Variants in SPECC1 observed in about 807,000 individuals in gnomAD.
The protein encoded by SPECC1 is sperm antigen with calponin homology and coiled-coil domains 1.
A neutral mutation model predicts 104.1 loss-of-function variants in SPECC1; 62 were observed. The ratio of observed to expected loss-of-function variants is 0.60; its 90% CI spans 0.49 to 0.74. SPECC1 has a LOEUF of 0.74. Ranked by LOEUF, SPECC1 falls within the 30% of genes least tolerant of loss-of-function variation. The pLI, the probability that SPECC1 is intolerant of heterozygous loss-of-function variation, is 0.00. For missense variants in SPECC1, 1,306 were observed against 1,310.5 expected (o/e 1.00, Z 0.05); for synonymous variants, 513 against 501.6 (o/e 1.02, Z -0.30).
chr17:20,302,878 TAAAAAAAAAAAAA>T (rs35060925), intron 13 of SPECC1, among the ~76,000 whole-genome samples: 3 of 61,872 alleles, frequency 4.8e-5, no homozygotes, highest in Non-Finnish European at 8.9e-5. Flanking sequence ...TGAGCCCATC[TAAAAAAAAAAAAA>T]AAAAAAAAAA....
chr17:20,148,980 C>T (rs1376996926), intron 3 of SPECC1, among the ~76,000 whole-genome samples: 1 of 152,156 alleles, frequency 6.6e-6, no homozygotes, highest in African/African-American at 2.4e-5. Context: ...CCTCAGCCTC[C>T]CAAAGTGCTG....
At chr17:20,053,519 A>G (rs904809193) in intron 1 of SPECC1, among the ~76,000 whole-genome samples, 7 of 152,188 alleles carry the variant, frequency 4.6e-5, no homozygotes, top group African/African-American at 1.4e-4. Context: ...GAGTAGGTCC[A>G]TAGTGTTAGG....
intron 1 of SPECC1, among the ~76,000 whole-genome samples, chr17:20,079,252 A>G (rs1453309759): frequency 6.6e-6 from 1 of 151,978 alleles, no homozygotes; most frequent in Non-Finnish European, 1.5e-5. Flanking sequence ...TGTGCTCCTC[A>G]CTTTCTTTTC....
chr17:20,194,502 A>ATTATTTTTTTTTT lies in SPECC1; in HGVS notation c.284-9829_284-9828insATTTTTTTTTTTT. Among the ~76,000 whole-genome samples, 762 of 86,506 alleles carry ATTATTTTTTTTTT rather than the reference A, an allele frequency of 8.8e-3. 141 individuals are homozygous for ATTATTTTTTTTTT. Among genetic ancestry groups the ATTATTTTTTTTTT allele is most frequent in the Non-Finnish European group, 0.012 (600 of 48,236 alleles). The allele number at this position is 86,506 out of a possible 152,430, so 56.8% of individuals were successfully genotyped here. A position where few individuals can be genotyped will look rare whatever the true frequency, so the allele number is the denominator to read the frequency against. On this transcript the variant is annotated intron_variant, in intron 3 of 14. Transcript: ENST00000395527. Reference sequence around the variant, plus strand: ...TGTGTTCTGTTAGAAAAGAGAACGAATTTTTTTTTTTTTTTTTTTTTTTGA... The same window carrying ATTATTTTTTTTTT: ...TGTGTTCTGTTAGAAAAGAGAACGAATTATTTTTTTTTTTTTTTTTTTTTTTTTTTTTTTTTGA...
chr17:20,273,486 CT>C (rs2040476601), intron 12 of SPECC1, among the ~76,000 whole-genome samples: 1 of 151,488 alleles, frequency 6.6e-6, no homozygotes, highest in Non-Finnish European at 1.5e-5. Flanking sequence ...AAGAAGAGGC[CT>C]GGGGGTGGAG....
At chr17:20,150,294 T>C (rs1267943765) in intron 3 of SPECC1, among the ~76,000 whole-genome samples, 1 of 151,410 alleles carries the variant, frequency 6.6e-6, no homozygotes, top group Non-Finnish European at 1.5e-5. Flanking sequence ...TTTTTCTTTT[T>C]TTTTTTGGGA....
intron 2 of SPECC1, among the ~76,000 whole-genome samples, chr17:20,107,649 G>A (rs1316241053): frequency 6.6e-6 from 1 of 151,748 alleles, no homozygotes; most frequent in Non-Finnish European, 1.5e-5. Flanking sequence ...CAGAGATGGG[G>A]TTTCACCATG....
chr17:20,271,844 G>A (rs960171863), intron 12 of SPECC1, among the ~76,000 whole-genome samples: 6 of 149,400 alleles, frequency 4.0e-5, no homozygotes, highest in African/African-American at 1.2e-4. Context: ...TTATGACCTC[G>A]CATCTTTGTT....
chr17:20,022,453 T>C (rs530708014), intron 1 of SPECC1, among the ~76,000 whole-genome samples: 164 of 152,348 alleles, frequency 1.1e-3, no homozygotes, highest in Middle Eastern at 6.8e-3. Context: ...TAATATGTTA[T>C]ACGTCAGCTT....
At chr17:20,303,839 G>GCTA (rs2041671306) in intron 13 of SPECC1, among the ~76,000 whole-genome samples, 1 of 152,016 alleles carries the variant, frequency 6.6e-6, no homozygotes, top group African/African-American at 2.4e-5. Flanking sequence ...TGTAGTCCCA[G>GCTA]CTACTAGGGA....
intron 3 of SPECC1, chr17:20,155,933 A>G: frequency 8.2e-7 from 1 of 1,221,062 alleles, no homozygotes; most frequent in Non-Finnish European, 1.0e-6. Context: ...GGCGGTGTGC[A>G]GTTGAGGTGG....
chr17:20,237,817 A>G (rs576204479), intron 7 of SPECC1: 4 of 191,598 alleles, frequency 2.1e-5, no homozygotes, highest in Non-Finnish European at 4.3e-5. Flanking sequence ...ATCTTGGCTC[A>G]TTGCAAGCTC....
chr17:20,119,805 G>T (rs1029501110), intron 3 of SPECC1, among the ~76,000 whole-genome samples: 1 of 152,202 alleles, frequency 6.6e-6, no homozygotes, highest in Non-Finnish European at 1.5e-5. Context: ...CGAGGAAAAT[G>T]AAAGTGCTGG....
chr17:20,253,672 G>A, intron 10 of SPECC1, 86 bp downstream of exon 10: 1 of 1,287,554 alleles, frequency 7.8e-7, no homozygotes, highest in Non-Finnish European at 1.1e-6. Flanking sequence ...ACTGAGCTTA[G>A]AAAAATAATC....
intron 1 of SPECC1, among the ~76,000 whole-genome samples, chr17:20,018,708 C>T (rs1306365299): frequency 2.0e-5 from 3 of 152,228 alleles, no homozygotes; most frequent in Admixed American, 6.5e-5. Context: ...GGGAAAGGTG[C>T]ATGGGGCCAA....
chr17:20,228,179 C>G (rs117812830), intron 5 of SPECC1, among the ~76,000 whole-genome samples: 2 of 152,026 alleles, frequency 1.3e-5, no homozygotes, highest in Non-Finnish European at 2.9e-5. Context: ...TAGGTGATTG[C>G]GAAAAATAGA....
Position 20,297,055 on chromosome 17 carries a change from A to G in SPECC1, c.3035A>G (p.Gln1012Arg). ...TACCTGCCTGCCCACATCCCCTACC[A>G]GGAGCTGAATAGTCAGGAGAAAGTA... ...HTYLPAHIPY[Q>R]ELNSQEKKRN... is the part of the protein sequence containing the mutation. Residue 1012 changes from glutamine (Q) to arginine (R), a missense_variant, in exon 13 of 15, where the codon CAG becomes CGG. Physicochemically the swap from Gln to Arg is conservative, Grantham distance 43. Coordinates refer to ENST00000395527, the MANE Select transcript of SPECC1 (RefSeq NM_001243439.2). 1 of 1,614,098 alleles carries G rather than the reference A, an allele frequency of 6.2e-7. No homozygotes were observed. The highest frequency in any genetic ancestry group is 1.1e-5 in the South Asian group (1 of 91,052).
rs1567923485 is a variant in SPECC1 at position 20,194,501 on chromosome 17, A to ATTTTTTTTTTT, written c.284-9832_284-9831insTTTTTTTTTTT. Among the ~76,000 whole-genome samples, 36 of 68,128 alleles carry ATTTTTTTTTTT rather than the reference A, an allele frequency of 5.3e-4. 2 individuals are homozygous for ATTTTTTTTTTT. The East Asian group carries it at 0.043, about 81-fold the overall frequency. 44.7% of individuals were successfully genotyped at this position (68,128 alleles called of 152,430 possible). On this transcript the variant is annotated intron_variant, in intron 3 of 14. Transcript: ENST00000395527. ...TTGTGTTCTGTTAGAAAAGAGAACG[A>ATTTTTTTTTTT]ATTTTTTTTTTTTTTTTTTTTTTTG...
chr17:20,214,411 GA>G (rs1253186592), intron 4 of SPECC1, among the ~76,000 whole-genome samples: 3 of 152,236 alleles, frequency 2.0e-5, no homozygotes, highest in African/African-American at 7.2e-5. Flanking sequence ...TTACTGTTGA[GA>G]AAGATGACTT....
Sources: gnomAD v4.1 joint callset for allele counts (sites outside exome capture counted in the v4.1 genomes callset) on GRCh38, gnomAD v4.1.1 for gene constraint, MANE v1.5 for transcripts, NCBI Gene and HGNC (gene_info 2026-07-23, HGNC 2026-07-21) for gene names.